Variants in MTNR1A observed in about 807,000 individuals in gnomAD.
MTNR1A encodes melatonin receptor type 1A.
A neutral mutation model predicts 5.5 loss-of-function variants in MTNR1A; 7 were observed. The observed-to-expected ratio is 1.28, with a 90% CI of 0.73 to 2.40. The LOEUF (loss-of-function observed/expected upper bound fraction) is 2.40, where lower values mean the gene tolerates loss of function less well. Among genes scored for constraint, MTNR1A ranks in the 30% most tolerant of loss-of-function variants. The pLI is 0.00. For synonymous variants in MTNR1A, 196 were observed against 202.7 expected (o/e 0.97, Z 0.28); for missense variants, 441 against 464.4 (o/e 0.95, Z 0.46).
chr4:186,535,020 A>AG (rs1736814019), intron 1 of MTNR1A, among the ~76,000 whole-genome samples: 1 of 152,136 alleles, frequency 6.6e-6, no homozygotes, highest in African/African-American at 2.4e-5. Flanking sequence ...TCCCATAGAG[A>AG]GGGAGTTAAG....
At chr4:186,541,671 G>A (rs142835340) in intron 1 of MTNR1A, among the ~76,000 whole-genome samples, 523 of 152,294 alleles carry the variant, frequency 3.4e-3, no homozygotes, top group Non-Finnish European at 5.3e-3. Flanking sequence ...TCTCATAGGA[G>A]TGCAAACCCT....
At chr4:186,546,587 G>C (rs1436881871) in intron 1 of MTNR1A, among the ~76,000 whole-genome samples, 6 of 149,920 alleles carry the variant, frequency 4.0e-5, no homozygotes, top group Admixed American at 4.0e-4. Flanking sequence ...CCCTGTTCAT[G>C]AGACACGCTG....
intron 1 of MTNR1A, among the ~76,000 whole-genome samples, chr4:186,547,601 C>A (rs1466413171): frequency 1.3e-5 from 2 of 152,214 alleles, no homozygotes; most frequent in African/African-American, 4.8e-5. Context: ...GTCCTCCTGG[C>A]TCATTCCTCT....
chr4:186,555,146 G>A lies in MTNR1A; in HGVS notation c.184+36C>T. On this transcript the variant is annotated intron_variant, in intron 1 of 1. Coordinates refer to ENST00000307161, the MANE Select transcript of MTNR1A (RefSeq NM_005958.4). The surrounding 1 kb of genome is among the most constrained non-coding windows in gnomAD (Gnocchi z 4.1). ...CTGCCCGCGGAGAGGCGCTGCGTCC[G>A]GAGCGCTGGCCCAGGGGAGGCGGCG... 1 of 1,570,604 alleles carries A rather than the reference G, an allele frequency of 6.4e-7. No homozygotes were observed. Among genetic ancestry groups the A allele is most frequent in the Non-Finnish European group, 8.6e-7 (1 of 1,157,522 alleles).
intron 1 of MTNR1A, among the ~76,000 whole-genome samples, chr4:186,544,315 G>A (rs770819492): frequency 4.6e-5 from 7 of 152,170 alleles, no homozygotes; most frequent in African/African-American, 7.2e-5. Context: ...CACCATGCCC[G>A]GCCTGCAGCA....
intron 1 of MTNR1A, among the ~76,000 whole-genome samples, chr4:186,551,627 T>C (rs979397713): frequency 5.9e-5 from 9 of 151,988 alleles, no homozygotes; most frequent in African/African-American, 2.2e-4. Flanking sequence ...GGTGGGTGGA[T>C]GGGTAGGTAA....
intron 1 of MTNR1A, among the ~76,000 whole-genome samples, chr4:186,541,755 G>A (rs1027916376): frequency 3.3e-5 from 5 of 152,282 alleles, no homozygotes; most frequent in Non-Finnish European, 7.3e-5. Flanking sequence ...ATGATTTGAG[G>A]TGGGACAGTT....
At chr4:186,548,810 G>GAC (rs1553981673) in intron 1 of MTNR1A, among the ~76,000 whole-genome samples, 2 of 54,592 alleles carry the variant, frequency 3.7e-5, no homozygotes, top group Non-Finnish European at 6.8e-5. Flanking sequence ...AATCTATAAA[G>GAC]ATATATATAT....
intron 1 of MTNR1A, among the ~76,000 whole-genome samples, chr4:186,545,263 C>T (rs1430412013): frequency 6.6e-6 from 1 of 152,204 alleles, no homozygotes; most frequent in African/African-American, 2.4e-5. Flanking sequence ...TGGTGTCTTA[C>T]AGACACGAGC....
At chr4:186,540,845 T>C (rs1259178837) in intron 1 of MTNR1A, among the ~76,000 whole-genome samples, 1 of 151,730 alleles carries the variant, frequency 6.6e-6, no homozygotes, top group Non-Finnish European at 1.5e-5. Flanking sequence ...GACCAGGTGC[T>C]GTCTGACTGA....
At chr4:186,544,336 T>C in intron 1 of MTNR1A, among the ~76,000 whole-genome samples, 1 of 152,210 alleles carries the variant, frequency 6.6e-6, no homozygotes, top group East Asian at 1.9e-4. Flanking sequence ...GCCATTTGTG[T>C]AATGCTTTTT....
intron 1 of MTNR1A, among the ~76,000 whole-genome samples, chr4:186,541,850 C>T (rs1033248147): frequency 2.0e-5 from 3 of 152,146 alleles, no homozygotes; most frequent in Non-Finnish European, 4.4e-5. Context: ...AGGTTAGGGA[C>T]CACTGAGCTA....
chr4:186,537,503 T>A (rs1248760334), intron 1 of MTNR1A, among the ~76,000 whole-genome samples: 1 of 152,192 alleles, frequency 6.6e-6, no homozygotes, highest in Non-Finnish European at 1.5e-5. Context: ...TGTTCATGGG[T>A]AAGAATTTCT....
At chr4:186,534,620 T>C in intron 1 of MTNR1A, 63 bp from the exon 2 acceptor site, 4 of 1,581,634 alleles carry the variant, frequency 2.5e-6, no homozygotes, top group Non-Finnish European at 3.4e-6. Flanking sequence ...TCTGTTACAA[T>C]TGTTAAAGAA....
intron 1 of MTNR1A, among the ~76,000 whole-genome samples, chr4:186,536,503 T>C (rs566129744): frequency 3.3e-5 from 5 of 152,306 alleles, no homozygotes; most frequent in South Asian, 2.1e-4. Flanking sequence ...TTCTATTCTA[T>C]TGACCTGTAG....
At chr4:186,534,883 C>T (rs1194116089) in intron 1 of MTNR1A, among the ~76,000 whole-genome samples, 1 of 152,192 alleles carries the variant, frequency 6.6e-6, no homozygotes, top group South Asian at 2.1e-4. Flanking sequence ...TGTTCTGGAG[C>T]CTTCTACATC....
intron 1 of MTNR1A, among the ~76,000 whole-genome samples, chr4:186,538,682 T>C (rs537888296): frequency 6.6e-6 from 1 of 152,288 alleles, no homozygotes; most frequent in South Asian, 2.1e-4. Flanking sequence ...TCAAATACGC[T>C]ATTTAATCAG....
chr4:186,548,030 C>T (rs1256651719), intron 1 of MTNR1A, among the ~76,000 whole-genome samples: 1 of 152,224 alleles, frequency 6.6e-6, no homozygotes, highest in African/African-American at 2.4e-5. Flanking sequence ...TGATACTGTA[C>T]CTTTATTCGT....
In MTNR1A at chr4:186,533,695, G is replaced by A. The variant is rs531643260; in HGVS notation, c.1047C>T (p.Ser349=). The change falls in exon 2 of 2, where the codon TCC becomes TCT. Residue 349 remains serine, a synonymous_variant. Coordinates refer to ENST00000307161, the MANE Select transcript of MTNR1A (RefSeq NM_005958.4). ...CCCGGAACGTGGTGCTTTTTTAAAC[G>A]GAGTCCACCTTTACTACATTATTGT... ...MTNNNVVKVD[S]V 6.2e-6 allele frequency: 10 copies of A among 1,614,016 alleles called. No homozygotes were observed. Among genetic ancestry groups the A allele is most frequent in the African/African-American group, 1.3e-5 (1 of 75,020 alleles).
Sources: allele counts gnomAD v4.1 joint callset (sites outside exome capture counted in the v4.1 genomes callset), GRCh38; gene constraint gnomAD v4.1.1; non-coding constraint Gnocchi (gnomAD v3.1); transcripts MANE v1.5; gene names NCBI Gene and HGNC (gene_info 2026-07-23, HGNC 2026-07-21).